The following PRTG variants were observed in gnomAD, a reference collection of about 807,000 sequenced individuals.
PRTG encodes immunoglobulin superfamily, DCC subclass, member 5.
PRTG carries 67 observed loss-of-function variants against 122.5 expected under a neutral mutation model. The observed-to-expected ratio is 0.55, with a 90% CI of 0.45 to 0.67. The LOEUF (loss-of-function observed/expected upper bound fraction) is 0.67, where lower values mean the gene tolerates loss of function less well. Ranked by LOEUF, PRTG falls within the 30% of genes least tolerant of loss-of-function variation. PRTG has a pLI of 0.00. For missense variants in PRTG, 1,435 were observed against 1,415.4 expected (o/e 1.01, Z -0.22); for synonymous variants, 554 against 501.1 (o/e 1.11, Z -1.41).
intron 11 of PRTG, among the ~76,000 whole-genome samples, chr15:55,669,831 T>C: frequency 6.6e-6 from 1 of 152,188 alleles, no homozygotes; most frequent in East Asian, 1.9e-4. Flanking sequence ...TGAACTGCAA[T>C]CAGTCCAATC....
chr15:55,688,742 G>A (rs113588509), intron 2 of PRTG, among the ~76,000 whole-genome samples: 3 of 152,274 alleles, frequency 2.0e-5, no homozygotes, highest in African/African-American at 7.2e-5. Context: ...GCTGAGGCAG[G>A]AGAATCACTT....
Position 55,639,685 on chromosome 15 carries a change from G to A in PRTG, c.2281C>T (p.Pro761Ser). 6.2e-7 allele frequency: 1 copy of A among 1,614,112 alleles called. No homozygotes were observed. The highest frequency in any genetic ancestry group is 8.5e-7 in the Non-Finnish European group (1 of 1,180,016). Residue 761 changes from proline to serine, a missense_variant, in exon 13 of 20, where the codon CCT (proline) becomes TCT (serine). Pro to Ser is a moderately conservative substitution (Grantham distance 74). Transcript: ENST00000389286. ...AAAGAAGCATTCTGCAGGCCAACAG[G>A]ATTACAGCGGATGGTGTAGTTAATG... ...QIINYTIRCN[P>S]VGLQNASLVL...
rs1222769232 is a variant in PRTG, at chr15:55,639,740, C to T, written c.2226G>A (p.Trp742Ter). The T allele has an allele frequency of 6.2e-7, 1 of 1,614,008 alleles. No homozygotes were observed. The highest frequency in any genetic ancestry group is 1.3e-5 in the African/African-American group (1 of 74,900). ...GTGCAGCGGTGAATGCAGGCCTCCT[C>T]CAGTGCAGGAAGATGGAAGATGAGG... ...ANTSSSIFLH[W>*]RRPAFTAAQI... Residue 742 changes from tryptophan (W) to a stop codon, truncating the protein, a stop_gained, in exon 13 of 20, where the codon TGG becomes TGA. Coordinates refer to ENST00000389286, the MANE Select transcript of PRTG (RefSeq NM_173814.6). LOFTEE classifies it high-confidence loss of function.
chr15:55,667,642 G>A (rs762882683), intron 11 of PRTG, among the ~76,000 whole-genome samples: 6 of 152,234 alleles, frequency 3.9e-5, no homozygotes, highest in Non-Finnish European at 5.9e-5. Context: ...AGTGAAATAC[G>A]ATAGTTTTTA....
intron 4 of PRTG, among the ~76,000 whole-genome samples, chr15:55,681,739 A>C (rs2059539368): frequency 6.6e-6 from 1 of 152,218 alleles, no homozygotes; most frequent in South Asian, 2.1e-4. Flanking sequence ...CAAGCAAAAG[A>C]ATACGACTAG....
At chr15:55,729,188 A>G (rs1305432669) in intron 2 of PRTG, among the ~76,000 whole-genome samples, 5 of 152,238 alleles carry the variant, frequency 3.3e-5, no homozygotes, top group African/African-American at 1.2e-4. Context: ...TTATTTGGCC[A>G]CAAAAAGGAA....
chr15:55,652,549 A>T (rs1370462594), intron 11 of PRTG, among the ~76,000 whole-genome samples: 1 of 151,910 alleles, frequency 6.6e-6, no homozygotes, highest in Admixed American at 6.6e-5. Context: ...CCCCCCATAT[A>T]ATTATTCAGA....
Position 55,680,105 on chromosome 15 carries a change from T to C in PRTG, c.922A>G (p.Thr308Ala), listed in dbSNP as rs373916339. ...HAGVYVCRAT[T>A]PGTRNFTVAM... is the part of the protein sequence containing the mutation. Reference sequence around the variant, plus strand: ...ACTGTAAAGTTGCGTGTGCCAGGGGTAGTGGCCCGACAAACATATACTCCA... The same window carrying C: ...ACTGTAAAGTTGCGTGTGCCAGGGGCAGTGGCCCGACAAACATATACTCCA... Residue 308 changes from threonine to alanine, a missense_variant, in exon 6 of 20, where the codon ACC (threonine) becomes GCC (alanine). Coordinates refer to ENST00000389286, the MANE Select transcript of PRTG (RefSeq NM_173814.6). The C allele has an allele frequency of 6.2e-7, 1 of 1,613,674 alleles. No individual in the cohort carries two copies. Among genetic ancestry groups the C allele is most frequent in the African/African-American group, 1.3e-5 (1 of 75,008 alleles).
intron 13 of PRTG, among the ~76,000 whole-genome samples, chr15:55,639,334 T>C (rs1444424331): frequency 2.6e-5 from 4 of 152,136 alleles, no homozygotes; most frequent in Non-Finnish European, 4.4e-5. Context: ...AGCATGAAAA[T>C]AGTCTCCTTT....
At chr15:55,678,310 C>T (rs1184705241) in intron 7 of PRTG, among the ~76,000 whole-genome samples, 2 of 152,156 alleles carry the variant, frequency 1.3e-5, no homozygotes, top group African/African-American at 4.8e-5. Flanking sequence ...GTCACAATCA[C>T]AGCTCACTGC....
intron 18 of PRTG, 40 bp from the exon 19 acceptor site, chr15:55,620,807 A>G: frequency 2.6e-6 from 4 of 1,524,582 alleles, no homozygotes; most frequent in Non-Finnish European, 3.6e-6. Flanking sequence ...ATATCCTGGT[A>G]TCACAGATTT....
chr15:55,629,375 ATGTGTGTGTGTGTG>A lies in PRTG; in HGVS notation c.2624-385_2624-372del, dbSNP rs59080250. Among the ~76,000 whole-genome samples, 288 of 47,964 alleles carry A rather than the reference ATGTGTGTGTGTGTG, an allele frequency of 6.0e-3. 1 individual carries two copies. Among genetic ancestry groups the A allele is most frequent in the African/African-American group, 0.017 (259 of 14,876 alleles). 31.5% of individuals were successfully genotyped at this position (47,964 alleles called of 152,430 possible). On this transcript the variant is annotated intron_variant, in intron 15 of 19. Transcript: ENST00000389286. ...TTTGGCTTTGTATATATATATATAT[ATGTGTGTGTGTGTG>A]TGTGTGTGTGTGTGTGTGTGTGTGT...
Position 55,741,527 on chromosome 15 carries a change from C to T in PRTG, c.95-843G>A, listed in dbSNP as rs534140071. Among the ~76,000 whole-genome samples the T allele has an allele frequency of 2.6e-3, 397 of 152,262 alleles. 3 individuals carry two copies. The highest frequency in any genetic ancestry group is 0.024 in the Middle Eastern group (7 of 294). On this transcript the variant is annotated intron_variant, in intron 1 of 19. Transcript: ENST00000389286. Reference sequence around the variant, plus strand: ...AAGCATATACACATCGCCCCTGGGCCCTCGCCAGGATAAAGCATTCGATGA... The same window carrying T: ...AAGCATATACACATCGCCCCTGGGCTCTCGCCAGGATAAAGCATTCGATGA...
rs1180014951 is a variant in PRTG, at chr15:55,612,267, A to AT, written c.*7744dup. 2 of 152,008 alleles carry AT rather than the reference A, an allele frequency of 1.3e-5. No individual in the cohort carries two copies. Among genetic ancestry groups the AT allele is most frequent in the African/African-American group, 4.8e-5 (2 of 41,430 alleles). 9.4% of individuals were successfully genotyped at this position (152,008 alleles called of 1,614,324 possible). On this transcript the variant is annotated 3_prime_UTR_variant, in exon 20 of 20. Transcript: ENST00000389286. ...ATATTTCAAGGTCAAGATTTGTAAT[A>AT]TTTTTGTTTTTAAAGACAGTTCCAT...
intron 15 of PRTG, among the ~76,000 whole-genome samples, chr15:55,632,605 T>C (rs554202254): frequency 3.9e-5 from 6 of 152,334 alleles, no homozygotes; most frequent in African/African-American, 1.4e-4. Context: ...CTTGGCCTTC[T>C]TGCTGTTCCT....
At chr15:55,699,325 G>A (rs1355553338) in intron 2 of PRTG, among the ~76,000 whole-genome samples, 1 of 151,934 alleles carries the variant, frequency 6.6e-6, no homozygotes, top group Admixed American at 6.6e-5. Context: ...CCCTTCCAAT[G>A]AATACTCAAC....
intron 11 of PRTG, among the ~76,000 whole-genome samples, chr15:55,658,458 G>T (rs2059392311): frequency 6.6e-6 from 1 of 152,016 alleles, no homozygotes; most frequent in Non-Finnish European, 1.5e-5. Flanking sequence ...TGGGACTGCA[G>T]GTGCATGCAC....
chr15:55,630,935 G>A (rs967677771), intron 15 of PRTG, among the ~76,000 whole-genome samples: 1 of 152,080 alleles, frequency 6.6e-6, no homozygotes, highest in African/African-American at 2.4e-5. Context: ...CTGGCCAAAG[G>A]TACCTACTCC....
At chr15:55,645,686 C>G (rs1049209640) in intron 11 of PRTG, among the ~76,000 whole-genome samples, 4 of 151,968 alleles carry the variant, frequency 2.6e-5, no homozygotes, top group Non-Finnish European at 2.9e-5. Context: ...CTGCAAAGAC[C>G]CTCCAACGCC....
Sources: allele counts gnomAD v4.1 joint callset (sites outside exome capture counted in the v4.1 genomes callset), GRCh38; gene constraint gnomAD v4.1.1; transcripts MANE v1.5; gene names NCBI Gene and HGNC (gene_info 2026-07-23, HGNC 2026-07-21).